Variants in CDH13 observed in about 807,000 individuals in gnomAD.
The protein encoded by CDH13 is cadherin-13.
In CDH13, 24 loss-of-function variants were observed where a neutral mutation model predicts 63.8. The observed-to-expected ratio is 0.38, with a 90% CI of 0.27 to 0.53. CDH13 has a LOEUF of 0.53. Ranked by LOEUF, CDH13 falls within the 20% of genes least tolerant of loss-of-function variation. The pLI is 0.85. For missense variants in CDH13, 1,049 were observed against 903.1 expected (o/e 1.16, Z -2.07); for synonymous variants, 503 against 355.3 (o/e 1.42, Z -4.67).
At chr16:82,906,434 C>G (rs997281553) in intron 2 of CDH13, among the ~76,000 whole-genome samples, 1 of 152,174 alleles carries the variant, frequency 6.6e-6, no homozygotes, top group Non-Finnish European at 1.5e-5. Flanking sequence ...CATGAACCCA[C>G]TTGTACTGTA....
At chr16:82,796,985 C>A (rs2036612901) in intron 1 of CDH13, among the ~76,000 whole-genome samples, 1 of 152,212 alleles carries the variant, frequency 6.6e-6, no homozygotes, top group Admixed American at 6.5e-5. Context: ...AGGATCCTAT[C>A]AACTTTTTCT....
At chr16:83,625,072 G>A (rs1014967590) in intron 8 of CDH13, among the ~76,000 whole-genome samples, 2 of 152,156 alleles carry the variant, frequency 1.3e-5, no homozygotes, top group Non-Finnish European at 2.9e-5. Context: ...ACAAATCAGG[G>A]CTTTTCCCCC....
intron 2 of CDH13, among the ~76,000 whole-genome samples, chr16:83,023,300 AC>A (rs55734721): frequency 2.0e-4 from 31 of 151,578 alleles, no homozygotes; most frequent in Admixed American, 3.9e-4. Context: ...TGTTTTCACT[AC>A]CCCCCGACTC....
chr16:83,648,634 C>G (rs1465672369), intron 8 of CDH13, among the ~76,000 whole-genome samples: 1 of 152,134 alleles, frequency 6.6e-6, no homozygotes, highest in African/African-American at 2.4e-5. Context: ...ACACCGACCC[C>G]CTGGGAATGC....
At chr16:82,699,967 T>G (rs1290244769) in intron 1 of CDH13, among the ~76,000 whole-genome samples, 1 of 152,232 alleles carries the variant, frequency 6.6e-6, no homozygotes, top group Non-Finnish European at 1.5e-5. Flanking sequence ...TGCCTGCAAG[T>G]TGCCAGAGAG....
At chr16:83,498,906 G>A (rs1411590696) in intron 7 of CDH13, among the ~76,000 whole-genome samples, 2 of 152,162 alleles carry the variant, frequency 1.3e-5, no homozygotes, top group African/African-American at 4.8e-5. Flanking sequence ...CTATAGCTCG[G>A]TTTTAGGAGG....
chr16:83,185,006 A>T (rs2038474373), intron 4 of CDH13, among the ~76,000 whole-genome samples: 1 of 151,908 alleles, frequency 6.6e-6, no homozygotes, highest in African/African-American at 2.4e-5. Flanking sequence ...GGGTATATAT[A>T]CACTTTCCTC....
chr16:83,054,029 A>G (rs2030665562), intron 3 of CDH13, among the ~76,000 whole-genome samples: 1 of 152,208 alleles, frequency 6.6e-6, no homozygotes. Flanking sequence ...CACAAATACC[A>G]TTGTGTTACA....
intron 3 of CDH13, among the ~76,000 whole-genome samples, chr16:83,032,831 A>G (rs1597184892): frequency 6.6e-6 from 1 of 152,216 alleles, no homozygotes; most frequent in East Asian, 1.9e-4. Context: ...AAAGAAATGT[A>G]GTTCCTCAAA....
chr16:83,616,982 A>G (rs909977216), intron 8 of CDH13, among the ~76,000 whole-genome samples: 1 of 152,062 alleles, frequency 6.6e-6, no homozygotes, highest in African/African-American at 2.4e-5. Context: ...AAAAATTCCA[A>G]TTTATCCTTC....
chr16:82,763,266 A>G (rs183100387), intron 1 of CDH13, among the ~76,000 whole-genome samples: 30 of 152,284 alleles, frequency 2.0e-4, no homozygotes, highest in Admixed American at 5.9e-4. Flanking sequence ...CCTGTCTCCT[A>G]TCACTCTCTG....
intron 4 of CDH13, among the ~76,000 whole-genome samples, chr16:83,127,959 C>G (rs1301331906): frequency 6.6e-6 from 1 of 152,172 alleles, no homozygotes; most frequent in Admixed American, 6.5e-5. Context: ...TGATCCTTTT[C>G]TAGACAGGTT....
intron 2 of CDH13, among the ~76,000 whole-genome samples, chr16:83,015,504 C>G (rs527282159): frequency 6.6e-6 from 1 of 151,130 alleles, no homozygotes; most frequent in Non-Finnish European, 1.5e-5. Context: ...TGAAAATCAA[C>G]ATAATCCAAA....
chr16:83,342,268 A>C (rs1317776755), intron 5 of CDH13, among the ~76,000 whole-genome samples: 1 of 152,186 alleles, frequency 6.6e-6, no homozygotes, highest in Non-Finnish European at 1.5e-5. Flanking sequence ...CATAGCCCTC[A>C]TCTGTGACTG....
At chr16:82,913,070 A>T (rs921212679) in intron 2 of CDH13, among the ~76,000 whole-genome samples, 3 of 152,144 alleles carry the variant, frequency 2.0e-5, no homozygotes, top group African/African-American at 7.2e-5. Context: ...TGGGAATCTC[A>T]TTATTTGCAT....
chr16:83,120,452 G>A (rs28605141), intron 3 of CDH13, among the ~76,000 whole-genome samples: 31,311 of 152,060 alleles, frequency 0.21, 3,384 homozygotes, highest in Middle Eastern at 0.29. Context: ...TTGATGACAC[G>A]GTGTGCTTTG....
intron 2 of CDH13, among the ~76,000 whole-genome samples, chr16:82,944,907 A>C (rs945248587): frequency 3.3e-5 from 5 of 152,322 alleles, no homozygotes; most frequent in African/African-American, 1.2e-4. Flanking sequence ...TCAATAAAGT[A>C]GTTAAGAGAA....
intron 6 of CDH13, among the ~76,000 whole-genome samples, chr16:83,442,279 C>T (rs1408786504): frequency 2.0e-5 from 3 of 152,184 alleles, no homozygotes; most frequent in Non-Finnish European, 4.4e-5. Context: ...ACTTCAGGAT[C>T]CCATCAGCCT....
At chr16:83,167,000 G>A (rs1050945734) in intron 4 of CDH13, among the ~76,000 whole-genome samples, 5 of 152,100 alleles carry the variant, frequency 3.3e-5, no homozygotes, top group Non-Finnish European at 5.9e-5. Context: ...TCTATTTGCT[G>A]CATTTTTACT....
Sources: allele counts gnomAD v4.1 joint callset (sites outside exome capture counted in the v4.1 genomes callset), GRCh38; gene constraint gnomAD v4.1.1; transcripts MANE v1.5; gene names NCBI Gene and HGNC (gene_info 2026-07-23, HGNC 2026-07-21).